The following LUZP2 variants were observed in gnomAD, a reference collection of about 807,000 sequenced individuals.
LUZP2 encodes leucine zipper protein 2.
LUZP2 carries 52 observed loss-of-function variants against 51.6 expected under a neutral mutation model. The ratio of observed to expected loss-of-function variants is 1.01; its 90% CI spans 0.81 to 1.27. LUZP2 has a LOEUF of 1.27. LUZP2 is among the 50% of genes most tolerant of loss of function. LUZP2 has a pLI of 0.00. For synonymous variants in LUZP2, 154 were observed against 137.3 expected (o/e 1.12, Z -0.85); for missense variants, 436 against 395.4 (o/e 1.10, Z -0.87).
intron 1 of LUZP2, among the ~76,000 whole-genome samples, chr11:24,577,108 A>G (rs1852677136): frequency 6.6e-6 from 1 of 151,478 alleles, no homozygotes; most frequent in South Asian, 2.1e-4. Context: ...ATCATTAACA[A>G]TTTTACTATG....
chr11:24,530,482 T>G (rs1160990877), intron 1 of LUZP2, among the ~76,000 whole-genome samples: 1 of 150,786 alleles, frequency 6.6e-6, no homozygotes, highest in African/African-American at 2.4e-5. Context: ...ATAGTAAACA[T>G]AAACACCCTG....
Position 24,906,034 on chromosome 11 carries a change from G to A in LUZP2, c.440G>A (p.Cys147Tyr). Residue 147 changes from cysteine (C) to tyrosine (Y), a missense_variant, in exon 6 of 12, where the codon TGT becomes TAT. Physicochemically the swap from Cys to Tyr is radical, Grantham distance 194. Coordinates refer to ENST00000336930, the MANE Select transcript of LUZP2 (RefSeq NM_001009909.4). ...KNKLLSGNKLCGIHAEESKKI... is the reference protein window; with the variant it reads ...KNKLLSGNKLYGIHAEESKKI... ...AAACTCTTGTCAGGAAACAAGCTCT[G>A]TGGCATTCACGCAGAAGAGGTGAGT... The A allele has an allele frequency of 6.2e-7, 1 of 1,613,106 alleles. No individual in the cohort carries two copies. Among genetic ancestry groups the A allele is most frequent in the Non-Finnish European group, 8.5e-7 (1 of 1,179,484 alleles).
chr11:24,790,110 CTCTT>C (rs1485970323), intron 5 of LUZP2, among the ~76,000 whole-genome samples: 7 of 152,128 alleles, frequency 4.6e-5, no homozygotes, highest in African/African-American at 7.2e-5. Flanking sequence ...ATTTCACTCT[CTCTT>C]TCATAAATAT....
chr11:24,825,136 A>G (rs1015874137), intron 5 of LUZP2, among the ~76,000 whole-genome samples: 2 of 152,206 alleles, frequency 1.3e-5, no homozygotes, highest in African/African-American at 4.8e-5. Context: ...ATTTAGTCTA[A>G]GGTGACATCT....
At chr11:24,951,232 G>C (rs754382594) in intron 7 of LUZP2, among the ~76,000 whole-genome samples, 4 of 151,408 alleles carry the variant, frequency 2.6e-5, no homozygotes, top group Non-Finnish European at 5.9e-5. Flanking sequence ...GGCCACACAG[G>C]CTTTTTAGCC....
At chr11:24,695,688 T>G (rs1857225577) in intron 1 of LUZP2, among the ~76,000 whole-genome samples, 1 of 152,154 alleles carries the variant, frequency 6.6e-6, no homozygotes, top group East Asian at 1.9e-4. Context: ...AATTACCTTT[T>G]GGGAAAGGAG....
chr11:24,782,753 T>C (rs540544209), intron 5 of LUZP2, among the ~76,000 whole-genome samples: 2 of 152,134 alleles, frequency 1.3e-5, no homozygotes, highest in East Asian at 3.9e-4. Context: ...ATTTTTACAA[T>C]AAAAATAGCT....
intron 1 of LUZP2, among the ~76,000 whole-genome samples, chr11:24,591,820 CAATAA>C (rs1206626712): frequency 1.3e-5 from 2 of 152,086 alleles, no homozygotes; most frequent in Admixed American, 6.6e-5. Context: ...TTATGGCATT[CAATAA>C]AATAAAAAGT....
At chr11:24,584,397 C>A (rs1200587313) in intron 1 of LUZP2, among the ~76,000 whole-genome samples, 6 of 152,150 alleles carry the variant, frequency 3.9e-5, no homozygotes, top group Admixed American at 3.9e-4. Context: ...ATTATGAGTT[C>A]TTGTGCTGAA....
At chr11:24,608,526 G>A (rs1854010533) in intron 1 of LUZP2, among the ~76,000 whole-genome samples, 1 of 152,114 alleles carries the variant, frequency 6.6e-6, no homozygotes, top group African/African-American at 2.4e-5. Flanking sequence ...ACAATCCTGT[G>A]AATACATTTT....
intron 6 of LUZP2, among the ~76,000 whole-genome samples, chr11:24,909,273 C>A (rs1412295353): frequency 6.6e-6 from 1 of 151,414 alleles, no homozygotes; most frequent in African/African-American, 2.4e-5. Context: ...ATAATAATTC[C>A]AAGTTATGTG....
chr11:24,892,504 AG>A, intron 5 of LUZP2: 1 of 642,692 alleles, frequency 1.6e-6, no homozygotes, highest in Non-Finnish European at 1.9e-6. Flanking sequence ...TCTTCAATAA[AG>A]CGTATATATA....
intron 1 of LUZP2, among the ~76,000 whole-genome samples, chr11:24,637,744 C>A (rs115596318): frequency 6.6e-6 from 1 of 151,786 alleles, no homozygotes; most frequent in Non-Finnish European, 1.5e-5. Flanking sequence ...CTAGTCAGAC[C>A]GGTTCTGTGC....
intron 5 of LUZP2, among the ~76,000 whole-genome samples, chr11:24,881,086 G>A (rs1231957753): frequency 6.6e-6 from 1 of 152,014 alleles, no homozygotes; most frequent in Admixed American, 6.6e-5. Context: ...TTGTTTTTTG[G>A]TTGCCAGGTA....
rs746247760 is a variant in LUZP2 at position 24,983,175 on chromosome 11, C to A, written c.647C>A (p.Ser216Tyr). The A allele has an allele frequency of 1.9e-6, 3 of 1,612,282 alleles. No individual in the cohort carries two copies. The highest frequency in any genetic ancestry group is 2.5e-6 in the Non-Finnish European group (3 of 1,178,872). The change falls in exon 9 of 12, where the codon TCT becomes TAT. Residue 216 changes from serine (S) to tyrosine (Y), a missense_variant. Transcript: ENST00000336930. ...GAGACTGTGCAGCTCTGCTTGACATCTGTTTTCCGTGATCAGCCTCCTCCC... is the reference window on the plus strand; with the variant it reads ...GAGACTGTGCAGCTCTGCTTGACATATGTTTTCCGTGATCAGCCTCCTCCC... ...MKETVQLCLT[S>Y]VFRDQPPPPL... is the part of the protein sequence containing the mutation.
At chr11:24,765,613 C>T (rs1590478141) in intron 5 of LUZP2, among the ~76,000 whole-genome samples, 1 of 143,450 alleles carries the variant, frequency 7.0e-6, no homozygotes. Context: ...TAATTTTTTC[C>T]TTTTTTTTCT....
At chr11:24,885,077 G>C (rs546919380) in intron 5 of LUZP2, among the ~76,000 whole-genome samples, 2 of 152,150 alleles carry the variant, frequency 1.3e-5, no homozygotes, top group African/African-American at 4.8e-5. Context: ...ATCAGACAGA[G>C]AGACATATCA....
intron 1 of LUZP2, among the ~76,000 whole-genome samples, chr11:24,715,401 C>T (rs1206453400): frequency 6.6e-6 from 1 of 151,840 alleles, no homozygotes; most frequent in Non-Finnish European, 1.5e-5. Flanking sequence ...TGACCATGCC[C>T]TTCAAGAGTT....
In LUZP2 at chr11:24,808,855, A is replaced by T. The variant is rs77364575; in HGVS notation, c.396+45547A>T. ...TCAAGATTAGGTAACTCATTAACTA[A>T]AATGACAATAGCTATAATATAATCA... On this transcript the variant is annotated intron_variant, in intron 5 of 11. Coordinates refer to ENST00000336930, the MANE Select transcript of LUZP2 (RefSeq NM_001009909.4). Among the ~76,000 whole-genome samples, 886 of 152,316 alleles carry T rather than the reference A, an allele frequency of 5.8e-3. 7 individuals carry two copies. The highest frequency in any genetic ancestry group is 0.019 in the African/African-American group (794 of 41,572).
Sources: allele counts gnomAD v4.1 joint callset (sites outside exome capture counted in the v4.1 genomes callset), GRCh38; gene constraint gnomAD v4.1.1; transcripts MANE v1.5; gene names NCBI Gene and HGNC (gene_info 2026-07-23, HGNC 2026-07-21).